The following FLI1 variants were observed in gnomAD, a reference collection of about 807,000 sequenced individuals.
FLI1 encodes Fli-1 proto-oncogene, ETS transcription factor, also known as Friend leukemia integration 1 transcription factor.
Under a neutral mutation model 53.1 loss-of-function variants are expected in FLI1, and 13 were observed. The observed-to-expected ratio is 0.24, with a 90% CI of 0.16 to 0.39. FLI1 has a LOEUF of 0.39. FLI1 is among the 10% of genes least tolerant of loss of function. FLI1 has a pLI of 1.00. For synonymous variants in FLI1, 244 were observed against 236.7 expected (o/e 1.03, Z -0.28); for missense variants, 424 against 600.5 (o/e 0.71, Z 3.07).
chr11:128,715,089 A>T (rs1188994061), intron 1 of FLI1, among the ~76,000 whole-genome samples: 1 of 152,204 alleles, frequency 6.6e-6, no homozygotes, highest in African/African-American at 2.4e-5. Context: ...AGTGAGAAGA[A>T]CCAAGACATA....
intron 1 of FLI1, among the ~76,000 whole-genome samples, chr11:128,720,505 G>C (rs975158503): frequency 2.6e-5 from 4 of 152,160 alleles, no homozygotes; most frequent in Non-Finnish European, 5.9e-5. Flanking sequence ...ACTGGGGGGT[G>C]GGGAGGCCAA....
intron 4 of FLI1, 125 bp from the exon 5 acceptor site, chr11:128,781,832 AG>A: frequency 5.3e-6 from 4 of 753,904 alleles, no homozygotes; most frequent in Non-Finnish European, 9.6e-6. Flanking sequence ...CTTTCTTCCT[AG>A]GAGTCCTCTG....
upstream of FLI1, chr11:128,692,555 A>C (rs1937792670): frequency 6.6e-6 from 1 of 152,082 alleles, no homozygotes; most frequent in Non-Finnish European, 1.5e-5. Context: ...ATTGGAGCCG[A>C]ATTGATGAGA....
intron 1 of FLI1, among the ~76,000 whole-genome samples, chr11:128,695,029 G>A (rs1228772575): frequency 1.3e-5 from 2 of 150,816 alleles, no homozygotes; most frequent in Non-Finnish European, 3.0e-5. Context: ...GCGCCTAGGC[G>A]TGCGCCGGCT....
intron 1 of FLI1, among the ~76,000 whole-genome samples, chr11:128,757,044 T>TTTTTCTTTC (rs1555116903): frequency 9.3e-6 from 1 of 107,028 alleles, no homozygotes; most frequent in African/African-American, 3.6e-5. Flanking sequence ...CTAGCTAATT[T>TTTTTCTTTC]TTTCTTTCTT....
intron 1 of FLI1, among the ~76,000 whole-genome samples, chr11:128,712,554 C>T (rs1283376880): frequency 6.6e-6 from 1 of 152,168 alleles, no homozygotes; most frequent in Non-Finnish European, 1.5e-5. Context: ...TACAGTTCCA[C>T]ATGGCTAGGG....
At position 128,783,212 on chromosome 11, in the gene FLI1, C is replaced by G. The variant is rs779807083; in HGVS notation, c.655+1189C>G. 2.0e-3 allele frequency among the ~76,000 whole-genome samples: 311 copies of G among 152,336 alleles called. 1 individual carries two copies. Among genetic ancestry groups the G allele is most frequent in the Non-Finnish European group, 2.6e-3 (174 of 68,030 alleles). Reference sequence around the variant, plus strand: ...GCAAAACCTTTCAGAGAAACAAAGGCTCTTCTAAGGGAAGGACCATTTGGC... The same window carrying G: ...GCAAAACCTTTCAGAGAAACAAAGGGTCTTCTAAGGGAAGGACCATTTGGC... On this transcript the variant is annotated intron_variant, in intron 5 of 8. Transcript: ENST00000527786.
rs77308871 is a variant in FLI1 at position 128,767,352 on chromosome 11, A to C, written c.231-766A>C. Among the ~76,000 whole-genome samples the C allele has an allele frequency of 4.7e-4, 72 of 152,324 alleles. 1 individual carries two copies. In the East Asian group the frequency reaches 0.012, roughly 25 times the overall value. ...GGACTCCATTCCTTCTCCAAGTAGC[A>C]ACCAGCTCTTTTGCATGTGTGCTTG... On this transcript the variant is annotated intron_variant, in intron 2 of 8. Coordinates refer to ENST00000527786, the MANE Select transcript of FLI1 (RefSeq NM_002017.5).
intron 1 of FLI1, among the ~76,000 whole-genome samples, chr11:128,726,713 G>A (rs1318540819): frequency 6.6e-6 from 1 of 152,192 alleles, no homozygotes; most frequent in African/African-American, 2.4e-5. Flanking sequence ...AGACCACAGT[G>A]GAACAAGTGT....
chr11:128,747,153 G>C (rs566838856), intron 1 of FLI1, among the ~76,000 whole-genome samples: 1 of 152,234 alleles, frequency 6.6e-6, no homozygotes, highest in Non-Finnish European at 1.5e-5. Context: ...CGGGCTGCAA[G>C]ACAGCAGCCC....
chr11:128,752,431 T>C (rs1940687052), intron 1 of FLI1, among the ~76,000 whole-genome samples: 1 of 152,212 alleles, frequency 6.6e-6, no homozygotes, highest in South Asian at 2.1e-4. Context: ...TTGGAAATTG[T>C]ACTAGATGCG....
At chr11:128,695,462 G>T (rs1380465868) in intron 1 of FLI1, among the ~76,000 whole-genome samples, 1 of 152,156 alleles carries the variant, frequency 6.6e-6, no homozygotes, top group Non-Finnish European at 1.5e-5. Flanking sequence ...CCCAGAACCC[G>T]AAAGAATCGA....
rs778805350 is a variant in FLI1 at position 128,768,073 on chromosome 11, C to A, written c.231-45C>A. 5.8e-6 allele frequency: 9 copies of A among 1,540,178 alleles called. 1 individual carries two copies. In the Admixed American group the frequency reaches 1.5e-4, roughly 26 times the overall value. ...GATTCAGAGGCTGAGGCAAGCTGCCCTGTCAGTGCTGACCGCCTCTGGGCT... is the reference window on the plus strand; with the variant it reads ...GATTCAGAGGCTGAGGCAAGCTGCCATGTCAGTGCTGACCGCCTCTGGGCT... On this transcript the variant is annotated intron_variant, in intron 2 of 8. Coordinates refer to ENST00000527786, the MANE Select transcript of FLI1 (RefSeq NM_002017.5).
chr11:128,812,176 T>C lies in FLI1; in HGVS notation c.*1188T>C. ...GATAATCCATTTAGATCTTTAATGCTTTGGAAATGCGTGTAACAGTACTGC... is the reference window on the plus strand; with the variant it reads ...GATAATCCATTTAGATCTTTAATGCCTTGGAAATGCGTGTAACAGTACTGC... On this transcript the variant is annotated 3_prime_UTR_variant, in exon 9 of 9. Transcript: ENST00000527786. The C allele has an allele frequency of 4.6e-6, 1 of 218,448 alleles. No individual in the cohort carries two copies. The highest frequency in any genetic ancestry group is 6.8e-5 in the East Asian group (1 of 14,664). 13.5% of individuals were successfully genotyped at this position (218,448 alleles called of 1,614,324 possible). A position where few individuals can be genotyped will look rare whatever the true frequency, so the allele number is the denominator to read the frequency against.
At chr11:128,744,696 G>C (rs1291478872) in intron 1 of FLI1, among the ~76,000 whole-genome samples, 1 of 152,308 alleles carries the variant, frequency 6.6e-6, no homozygotes, top group South Asian at 2.1e-4. Flanking sequence ...TGTGGGTGCT[G>C]TCATTGTGCC....
At chr11:128,751,972 AT>A (rs925284294) in intron 1 of FLI1, among the ~76,000 whole-genome samples, 2 of 150,664 alleles carry the variant, frequency 1.3e-5, no homozygotes, top group African/African-American at 4.9e-5. Flanking sequence ...TTTTTAAACA[AT>A]TTTTTTCTTT....
intron 1 of FLI1, among the ~76,000 whole-genome samples, chr11:128,704,760 T>G (rs1217872096): frequency 3.9e-5 from 6 of 152,174 alleles, no homozygotes; most frequent in Non-Finnish European, 8.8e-5. Context: ...TTTGCATGGG[T>G]CCTCATGACC....
chr11:128,778,550 A>G (rs551641337), intron 4 of FLI1, among the ~76,000 whole-genome samples: 1 of 152,350 alleles, frequency 6.6e-6, no homozygotes, highest in South Asian at 2.1e-4. Context: ...GGAAAATGAT[A>G]TGACTTCGCT....
intron 2 of FLI1, among the ~76,000 whole-genome samples, chr11:128,758,581 C>T (rs867558472): frequency 1.3e-5 from 2 of 152,192 alleles, no homozygotes; most frequent in Admixed American, 6.5e-5. Context: ...AGGCCCCAAG[C>T]GCCTATGCAG....
Sources: gnomAD v4.1 joint callset for allele counts (sites outside exome capture counted in the v4.1 genomes callset) on GRCh38, gnomAD v4.1.1 for gene constraint, MANE v1.5 for transcripts, NCBI Gene and HGNC (gene_info 2026-07-23, HGNC 2026-07-21) for gene names.